LY9: variants seen among roughly 807,000 people sequenced by gnomAD.
The protein encoded by LY9 is lymphocyte antigen 9.
In LY9, 59 loss-of-function variants were observed where a neutral mutation model predicts 64.6. The ratio of observed to expected loss-of-function variants is 0.91; its 90% confidence interval spans 0.74 to 1.13. The LOEUF (loss-of-function observed/expected upper bound fraction) is 1.13, where lower values mean the gene tolerates loss of function less well. LY9 is among the 50% of genes most tolerant of loss of function. LY9 has a pLI of 0.00. For missense variants in LY9, 789 were observed against 797.2 expected (o/e 0.99, Z 0.12); for synonymous variants, 281 against 308.5 (o/e 0.91, Z 0.93).
intron 8 of LY9, 91 bp from the exon 9 acceptor site, chr1:160,824,090 C>T: frequency 6.5e-7 from 1 of 1,532,036 alleles, no homozygotes; most frequent in East Asian, 2.3e-5. Context: ...GATGGGAAGC[C>T]AGGGGGTATC....
chr1:160,803,601 T>C (rs1666710321), intron 2 of LY9, among the ~76,000 whole-genome samples: 1 of 152,240 alleles, frequency 6.6e-6, no homozygotes, highest in Admixed American at 6.5e-5. Flanking sequence ...ATTATTGGTG[T>C]ATAGAAATGC....
chr1:160,814,614 T>G lies in LY9; in HGVS notation c.925T>G (p.Tyr309Asp). ...TCCACTCATTAAATCCAGGGATCCT[T>G]ACAAGAACAGGGTGTGGGTCTCCAG... ...ADPLIKSRDPYKNRVWVSSQD... is the reference protein window; with the variant it reads ...ADPLIKSRDPDKNRVWVSSQD... Residue 309 changes from tyrosine to aspartate, a missense_variant, in exon 4 of 10, where the codon TAC becomes GAC. Physicochemically the swap from Tyr to Asp is radical, Grantham distance 160. Transcript: ENST00000263285. The G allele has an allele frequency of 6.2e-7, 1 of 1,614,068 alleles. No individual in the cohort carries two copies. Among genetic ancestry groups the G allele is most frequent in the Non-Finnish European group, 8.5e-7 (1 of 1,179,994 alleles).
chr1:160,813,435 T>C lies in LY9; in HGVS notation c.455-201T>C, dbSNP rs144300453. 6.5e-5 allele frequency: 39 copies of C among 597,236 alleles called. No homozygotes were observed. The East Asian group carries it at 1.1e-3, about 17-fold the overall frequency. The allele number at this position is 597,236 out of a possible 1,614,324, so 37.0% of individuals were successfully genotyped here. ...TCAGACTATTAGTCATGCTGAGTCA[T>C]GGTGATAACACCTGTAGCGGATGTT... On this transcript the variant is annotated intron_variant, in intron 2 of 9. Transcript: ENST00000263285.
At chr1:160,815,629 C>T (rs949495593) in intron 4 of LY9, among the ~76,000 whole-genome samples, 47 of 152,150 alleles carry the variant, frequency 3.1e-4, no homozygotes, top group African/African-American at 6.8e-4. Context: ...TCAGGTGATC[C>T]GCTGCCTCAG....
At chr1:160,802,115 A>T in intron 2 of LY9, 1 of 1,376,098 alleles carries the variant, frequency 7.3e-7, no homozygotes, top group Non-Finnish European at 9.4e-7. Context: ...GGAGCCGCCA[A>T]CTTGGAGACT....
Position 160,823,809 on chromosome 1 carries a change from G to A in LY9, c.1830+13G>A. On this transcript the variant is annotated intron_variant, in intron 8 of 9. Coordinates refer to ENST00000263285, the MANE Select transcript of LY9 (RefSeq NM_002348.4). ...GTTCAACTTACAGGTGAGCCCTTCT[G>A]ATCAATACACCTTCCTCCTCCTCCC... 1 of 1,579,928 alleles carries A rather than the reference G, an allele frequency of 6.3e-7. No homozygotes were observed.
At position 160,823,796 on chromosome 1, in the gene LY9, G is replaced by A; in HGVS notation, c.1830G>A (p.Gln610=). The change falls in exon 8 of 10, where the codon CAG becomes CAA. Residue 610 remains glutamine, a splice_region_variant and synonymous_variant. Transcript: ENST00000263285. ...TGTATGCACAAGTGTTCAACTTACA[G>A]GTGAGCCCTTCTGATCAATACACCT... The part of the protein sequence containing the change: ...NTMYAQVFNL[Q]GKTPVSQKEE... 1 of 1,607,582 alleles carries A rather than the reference G, an allele frequency of 6.2e-7. No homozygotes were observed. Among genetic ancestry groups the A allele is most frequent in the African/African-American group, 1.3e-5 (1 of 74,922 alleles).
At chr1:160,807,475 T>G (rs1384647226) in intron 2 of LY9, among the ~76,000 whole-genome samples, 1 of 152,196 alleles carries the variant, frequency 6.6e-6, no homozygotes, top group African/African-American at 2.4e-5. Flanking sequence ...TCTTTGTGCC[T>G]CAAGGCAGTG....
At chr1:160,815,941 T>C (rs1174620971) in intron 4 of LY9, among the ~76,000 whole-genome samples, 1 of 152,224 alleles carries the variant, frequency 6.6e-6, no homozygotes, top group Non-Finnish European at 1.5e-5. Flanking sequence ...CATTCAGACA[T>C]GGTCAGCATA....
rs746384729 is a variant in LY9 at position 160,818,339 on chromosome 1, G to A, written c.1444+20G>A. 6.3e-7 allele frequency: 1 copy of A among 1,592,418 alleles called. No homozygotes were observed. Among genetic ancestry groups the A allele is most frequent in the South Asian group, 1.1e-5 (1 of 90,634 alleles). ...GACGGTGTGAGTTTCCGAGATCAAT[G>A]TTGTCCGCCAGTGCTAGGCCATTTC... On this transcript the variant is annotated intron_variant, in intron 6 of 9. Coordinates refer to ENST00000263285, the MANE Select transcript of LY9 (RefSeq NM_002348.4).
At chr1:160,824,484 T>C (rs1668735303) in intron 9 of LY9, 3 of 985,102 alleles carry the variant, frequency 3.0e-6, no homozygotes, top group Non-Finnish European at 3.6e-6. Context: ...ATGTTGGTTA[T>C]TTTTAACACT....
chr1:160,805,741 TCACACACA>T lies in LY9; in HGVS notation c.454+5693_454+5700del, dbSNP rs60721619. On this transcript the variant is annotated intron_variant, in intron 2 of 9. Coordinates refer to ENST00000263285, the MANE Select transcript of LY9 (RefSeq NM_002348.4). ...CTGTTGCAGTCTCTCTCTCTCTGTC[TCACACACA>T]CACACACACACACACACACACACAC... Among the ~76,000 whole-genome samples, 180 of 140,626 alleles carry T rather than the reference TCACACACA, an allele frequency of 1.3e-3. 1 individual carries two copies. Among genetic ancestry groups the T allele is most frequent in the East Asian group, 5.0e-3 (24 of 4,802 alleles). 92.3% of individuals were successfully genotyped at this position (140,626 alleles called of 152,430 possible). A position where few individuals can be genotyped will look rare whatever the true frequency, so the allele number is the denominator to read the frequency against.
intron 2 of LY9, among the ~76,000 whole-genome samples, chr1:160,803,188 G>A (rs1285465304): frequency 3.9e-5 from 6 of 152,018 alleles, no homozygotes; most frequent in Admixed American, 6.6e-5. Context: ...AGTCTGAGGC[G>A]GGAGAATCAC....
At chr1:160,809,819 G>A (rs936981298) in intron 2 of LY9, 2 of 152,152 alleles carry the variant, frequency 1.3e-5, no homozygotes, top group Admixed American at 6.5e-5. Context: ...AGTTACAATA[G>A]TATTTCATGG....
At chr1:160,823,901 A>G (rs1668681031) in intron 8 of LY9, 105 bp downstream of exon 8, 2 of 959,856 alleles carry the variant, frequency 2.1e-6, no homozygotes, top group Non-Finnish European at 3.2e-6. Context: ...GCCTGGAAAC[A>G]GGACTAGGGG....
At chr1:160,827,535 C>T (rs1668923832) in intron 9 of LY9, among the ~76,000 whole-genome samples, 1 of 152,140 alleles carries the variant, frequency 6.6e-6, no homozygotes. Context: ...TTGTGTTGTC[C>T]TTGCAGAGAG....
At chr1:160,804,576 T>C (rs903062439) in intron 2 of LY9, among the ~76,000 whole-genome samples, 5 of 152,048 alleles carry the variant, frequency 3.3e-5, no homozygotes, top group African/African-American at 1.2e-4. Context: ...TGTCTGATTT[T>C]GGTATTAGCA....
chr1:160,801,859 G>C (rs1666513835), intron 2 of LY9: 2 of 1,614,046 alleles, frequency 1.2e-6, no homozygotes, highest in Non-Finnish European at 1.7e-6. Flanking sequence ...GAGGGCAGCG[G>C]CCTGGAGTCC....
At chr1:160,806,307 G>C (rs538708658) in intron 2 of LY9, among the ~76,000 whole-genome samples, 1 of 152,228 alleles carries the variant, frequency 6.6e-6, no homozygotes, top group African/African-American at 2.4e-5. Context: ...CATCATTCAA[G>C]TCCTTTCTCT....
Sources: gnomAD v4.1 joint callset for allele counts (sites outside exome capture counted in the v4.1 genomes callset) on GRCh38, gnomAD v4.1.1 for gene constraint, MANE v1.5 for transcripts, NCBI Gene and HGNC (gene_info 2026-07-23, HGNC 2026-07-21) for gene names.